BRD4: variants seen among roughly 807,000 people sequenced by gnomAD.
The protein encoded by BRD4 is bromodomain containing 4.
A neutral mutation model predicts 142.1 loss-of-function variants in BRD4; 16 were observed. The observed-to-expected ratio is 0.11, with a 90% CI of 0.08 to 0.17. The LOEUF (loss-of-function observed/expected upper bound fraction) is 0.17, where lower values mean the gene tolerates loss of function less well. Ranked by LOEUF, BRD4 falls within the 10% of genes least tolerant of loss-of-function variation. BRD4 has a pLI of 1.00. For synonymous variants in BRD4, 833 were observed against 707.5 expected (o/e 1.18, Z -2.82); for missense variants, 1,424 against 1,810.9 (o/e 0.79, Z 3.88).
chr19:15,272,765 A>G, intron 2 of BRD4, 50 bp downstream of exon 2: 1 of 1,551,146 alleles, frequency 6.4e-7, no homozygotes, highest in Non-Finnish European at 8.8e-7. Context: ...GGAGACATGC[A>G]GGAGACGACC....
intron 7 of BRD4, chr19:15,257,438 C>T (rs1047374323): frequency 9.9e-6 from 5 of 507,460 alleles, no homozygotes; most frequent in Non-Finnish European, 1.8e-5. Context: ...TGGAGGACAC[C>T]GCCCAGGCAA....
chr19:15,291,751 A>G (rs1276601469), intron 1 of BRD4, among the ~76,000 whole-genome samples: 1 of 152,220 alleles, frequency 6.6e-6, no homozygotes, highest in Non-Finnish European at 1.5e-5. Context: ...CTTTAAAGAT[A>G]ATGAAAAACG....
At position 15,239,578 on chromosome 19, in the gene BRD4, C is replaced by T. The variant is rs2047221607; in HGVS notation, c.3446-56G>A. The T allele has an allele frequency of 6.4e-7, 1 of 1,566,526 alleles. No individual in the cohort carries two copies. Among genetic ancestry groups the T allele is most frequent in the Middle Eastern group, 1.7e-4 (1 of 5,848 alleles). On this transcript the variant is annotated intron_variant, in intron 16 of 19. Transcript: ENST00000679869. This position sits in a 1 kb window ranked among gnomAD's most constrained non-coding sequence, Gnocchi z 7.4. ...CCACCTCACCCCAGTGGGGCATGGT[C>T]CACCAGCCCCACAGCAAGCTTATGT...
intron 1 of BRD4, among the ~76,000 whole-genome samples, chr19:15,287,906 C>G (rs1467574717): frequency 6.6e-6 from 1 of 151,990 alleles, no homozygotes; most frequent in Non-Finnish European, 1.5e-5. Flanking sequence ...GTAGCTGGGA[C>G]TACAGACACG....
At chr19:15,288,389 A>G (rs1290984034) in intron 1 of BRD4, among the ~76,000 whole-genome samples, 1 of 152,198 alleles carries the variant, frequency 6.6e-6, no homozygotes, top group Non-Finnish European at 1.5e-5. Context: ...ACAGAGCAAG[A>G]CCACATCTCA....
intron 11 of BRD4, chr19:15,247,010 C>T (rs997038210): frequency 1.1e-5 from 2 of 183,606 alleles, no homozygotes; most frequent in Non-Finnish European, 2.3e-5. Context: ...CCCAAGACAC[C>T]CCCACACAAA....
rs1473828858 is a variant in BRD4, at chr19:15,236,168, G to A, written c.*2209C>T. ...TTCAGGTCAAAAAGAGGGGATGTAG[G>A]AGAATAAACAGTGCTAGAAATGTTT... On this transcript the variant is annotated 3_prime_UTR_variant, in exon 20 of 20. Transcript: ENST00000679869. 2 of 152,206 alleles carry A rather than the reference G, an allele frequency of 1.3e-5. No individual in the cohort carries two copies. Among genetic ancestry groups the A allele is most frequent in the Admixed American group, 6.5e-5 (1 of 15,276 alleles). 9.4% of individuals were successfully genotyped at this position (152,206 alleles called of 1,614,324 possible). A position where few individuals can be genotyped will look rare whatever the true frequency, so the allele number is the denominator to read the frequency against.
In BRD4 at chr19:15,263,402, C is replaced by T. The variant is rs764625162; in HGVS notation, c.1341+18G>A. On this transcript the variant is annotated intron_variant, in intron 7 of 19. Transcript: ENST00000679869. ...CAGCCTGCTCTGCTGAGGGTGGCTGCGCCCTCCCAAGCCTCACCTGGAGCT... is the reference window on the plus strand; with the variant it reads ...CAGCCTGCTCTGCTGAGGGTGGCTGTGCCCTCCCAAGCCTCACCTGGAGCT... The T allele has an allele frequency of 1.4e-5, 22 of 1,610,288 alleles. No individual in the cohort carries two copies. The Admixed American group carries it at 2.8e-4, about 21-fold the overall frequency.
At chr19:15,288,637 C>G (rs968017899) in intron 1 of BRD4, among the ~76,000 whole-genome samples, 1 of 152,220 alleles carries the variant, frequency 6.6e-6, no homozygotes, top group African/African-American at 2.4e-5. Context: ...TTTACCAAAG[C>G]AGCCGAGCAG....
chr19:15,246,976 T>C (rs892163151), intron 11 of BRD4: 14 of 179,532 alleles, frequency 7.8e-5, no homozygotes, highest in African/African-American at 2.8e-4. Flanking sequence ...AGACAGGAAG[T>C]GCACAGCTTC....
chr19:15,295,943 C>T (rs2047819359), intron 1 of BRD4, among the ~76,000 whole-genome samples: 1 of 152,112 alleles, frequency 6.6e-6, no homozygotes, highest in Non-Finnish European at 1.5e-5. Context: ...TGCACTCCAG[C>T]CTGGGCAACA....
intron 1 of BRD4, among the ~76,000 whole-genome samples, chr19:15,309,957 C>G (rs572942905): frequency 5.3e-5 from 8 of 152,294 alleles, no homozygotes; most frequent in African/African-American, 1.7e-4. Context: ...CTCCTCTCAC[C>G]TGTTCTCTGT....
At chr19:15,316,155 C>CAAAAA (rs980486654) in intron 1 of BRD4, among the ~76,000 whole-genome samples, 9 of 33,030 alleles carry the variant, frequency 2.7e-4, no homozygotes, top group Admixed American at 3.8e-4. Context: ...GACACCGTCT[C>CAAAAA]AAAAAAAAAA....
intron 1 of BRD4, among the ~76,000 whole-genome samples, chr19:15,320,554 A>G (rs1161092344): frequency 6.6e-6 from 1 of 152,196 alleles, no homozygotes; most frequent in Non-Finnish European, 1.5e-5. Flanking sequence ...TCTTGTAAGC[A>G]TTTATTTAAA....
intron 1 of BRD4, among the ~76,000 whole-genome samples, chr19:15,294,207 A>C (rs2047805748): frequency 6.6e-6 from 1 of 152,258 alleles, no homozygotes; most frequent in South Asian, 2.1e-4. Flanking sequence ...GTGTTGAGCA[A>C]AACATAAACG....
Position 15,242,892 on chromosome 19 carries a change from C to G in BRD4, c.3169+8G>C. 1 of 1,602,242 alleles carries G rather than the reference C, an allele frequency of 6.2e-7. No individual in the cohort carries two copies. Among genetic ancestry groups the G allele is most frequent in the Non-Finnish European group, 8.5e-7 (1 of 1,175,108 alleles). ...CCTCCCCAGAGTCTACGGGTGAGGA[C>G]CACTTACCGGTTGAGTAGGGGTCCG... On this transcript the variant is annotated splice_region_variant and intron_variant, in intron 14 of 19. Coordinates refer to ENST00000679869, the MANE Select transcript of BRD4 (RefSeq NM_001379291.1).
At chr19:15,301,224 G>T (rs1188103751) in intron 1 of BRD4, among the ~76,000 whole-genome samples, 2 of 152,182 alleles carry the variant, frequency 1.3e-5, no homozygotes, top group East Asian at 3.8e-4. Context: ...CATTTAATAT[G>T]ACATTCTAGA....
intron 1 of BRD4, among the ~76,000 whole-genome samples, chr19:15,318,366 CT>C (rs1221945176): frequency 6.6e-6 from 1 of 152,190 alleles, no homozygotes; most frequent in Non-Finnish European, 1.5e-5. Context: ...TCTGACTCAA[CT>C]CTGCCCCAAT....
chr19:15,255,228 G>A (rs781155544), intron 10 of BRD4, 69 bp downstream of exon 10: 15 of 1,466,442 alleles, frequency 1.0e-5, no homozygotes, highest in Non-Finnish European at 1.3e-5. Context: ...AGTGGACTGA[G>A]CAAGGAGGGA....
Sources: allele counts gnomAD v4.1 joint callset (sites outside exome capture counted in the v4.1 genomes callset), GRCh38; gene constraint gnomAD v4.1.1; non-coding constraint Gnocchi (gnomAD v3.1); transcripts MANE v1.5; gene names NCBI Gene and HGNC (gene_info 2026-07-23, HGNC 2026-07-21).